The following CIT variants were observed in gnomAD, a reference collection of about 807,000 sequenced individuals.
CIT encodes citron rho-interacting serine/threonine kinase.
Under a neutral mutation model 272.7 loss-of-function variants are expected in CIT, and 79 were observed. That is an observed-to-expected ratio of 0.29 (90% CI 0.24 to 0.35). CIT has a LOEUF of 0.35. Among genes scored for constraint, CIT ranks in the 10% least tolerant of loss-of-function variants. The pLI is 1.00. For missense variants in CIT, 1,909 were observed against 2,618.3 expected (o/e 0.73, Z 5.91); for synonymous variants, 948 against 995.6 (o/e 0.95, Z 0.90).
At chr12:119,872,908 C>A (rs1057069803) in intron 2 of CIT, among the ~76,000 whole-genome samples, 7 of 152,122 alleles carry the variant, frequency 4.6e-5, no homozygotes, top group Non-Finnish European at 8.8e-5. Context: ...GAGATGCCCC[C>A]ACCTCAGCCT....
At chr12:119,754,005 C>A (rs1960617641) in intron 22 of CIT, among the ~76,000 whole-genome samples, 1 of 152,108 alleles carries the variant, frequency 6.6e-6, no homozygotes, top group African/African-American at 2.4e-5. Flanking sequence ...ATCCAGGAGG[C>A]CTTAACAAAT....
chr12:119,719,015 G>T, intron 30 of CIT, 154 bp from the exon 31 acceptor site: 1 of 729,554 alleles, frequency 1.4e-6, no homozygotes, highest in Non-Finnish European at 2.2e-6. Context: ...GGGGGGGAAG[G>T]GTAGGCTGAG....
In CIT at chr12:119,694,045, TCTTTGCAGGC is replaced by T. The variant is rs1956095525; in HGVS notation, c.5883-3601_5883-3592del. The stretch of plus-strand genomic sequence containing the variant: ...CCCGGGGTTAAATAATCTCAGACCT[TCTTTGCAGGC>T]CAAGGTTTCAAACTTCCTACACCTC... On this transcript the variant is annotated intron_variant, in intron 46 of 47. Coordinates refer to ENST00000392521, the MANE Select transcript of CIT (RefSeq NM_001206999.2). The surrounding 1 kb of genome is among the most constrained non-coding windows in gnomAD (Gnocchi z 4.5). Among the ~76,000 whole-genome samples the T allele has an allele frequency of 6.6e-6, 1 of 152,194 alleles. No individual in the cohort carries two copies. The highest frequency in any genetic ancestry group is 2.1e-4 in the South Asian group (1 of 4,834).
At chr12:119,868,325 CAAATT>C (rs551984421) in intron 3 of CIT, among the ~76,000 whole-genome samples, 4 of 152,178 alleles carry the variant, frequency 2.6e-5, no homozygotes, top group African/African-American at 9.6e-5. Flanking sequence ...AATTTTAAAA[CAAATT>C]AAAATTTAAT....
intron 32 of CIT, among the ~76,000 whole-genome samples, chr12:119,715,708 T>C (rs78092894): frequency 0.05 from 7,591 of 152,276 alleles, 402 homozygotes; most frequent in African/African-American, 0.12. Flanking sequence ...TACATCTGAA[T>C]GAAACTGTTA....
intron 12 of CIT, 190 bp from the exon 13 acceptor site, chr12:119,782,827 C>G (rs1964426210): frequency 1.4e-5 from 8 of 561,110 alleles, no homozygotes; most frequent in Non-Finnish European, 2.4e-5. Context: ...CAAGAAACAT[C>G]ATCTCAACCT....
At chr12:119,787,542 T>C (rs531034974) in intron 10 of CIT, among the ~76,000 whole-genome samples, 5 of 151,430 alleles carry the variant, frequency 3.3e-5, no homozygotes, top group Non-Finnish European at 5.9e-5. Flanking sequence ...CCATCCTGGC[T>C]AACACGGTGA....
chr12:119,749,841 A>C (rs1316761536), intron 23 of CIT, among the ~76,000 whole-genome samples: 1 of 152,198 alleles, frequency 6.6e-6, no homozygotes, highest in Non-Finnish European at 1.5e-5. Flanking sequence ...TCCAACCAGC[A>C]GCAAGAAAGG....
intron 41 of CIT, among the ~76,000 whole-genome samples, chr12:119,703,421 C>CTTTTTT (rs34483318): frequency 3.8e-5 from 4 of 105,702 alleles, no homozygotes; most frequent in East Asian, 2.3e-4. Flanking sequence ...CTTCATTTCA[C>CTTTTTT]TTTTTTTTTT....
At chr12:119,835,268 C>T (rs1029979212) in intron 5 of CIT, among the ~76,000 whole-genome samples, 3 of 152,240 alleles carry the variant, frequency 2.0e-5, no homozygotes, top group Non-Finnish European at 4.4e-5. Context: ...CTTTCAGTTT[C>T]ATCCTCTCTA....
intron 22 of CIT, among the ~76,000 whole-genome samples, chr12:119,754,634 C>T (rs750986112): frequency 1.1e-4 from 17 of 152,208 alleles, no homozygotes; most frequent in Non-Finnish European, 2.4e-4. Context: ...TCCTTTAAGG[C>T]GGATCAAACT....
chr12:119,784,191 T>C lies in CIT; in HGVS notation c.1402-140A>G, dbSNP rs753235550. ...AAGTTAAGTTGGGATGGAAATACCA[T>C]TGTTTCTTCGCCCAGGAGCGCACAG... is the stretch of plus-strand genomic sequence containing the variant. On this transcript the variant is annotated intron_variant, in intron 11 of 47. Transcript: ENST00000392521. The surrounding 1 kb of genome is among the most constrained non-coding windows in gnomAD (Gnocchi z 4.7). The C allele has an allele frequency of 3.1e-6, 5 of 1,608,146 alleles. No homozygotes were observed. Among genetic ancestry groups the C allele is most frequent in the South Asian group, 1.1e-5 (1 of 90,196 alleles).
intron 7 of CIT, among the ~76,000 whole-genome samples, chr12:119,825,684 A>G (rs1968105642): frequency 5.3e-5 from 8 of 152,242 alleles, no homozygotes. Flanking sequence ...AATACAAGTT[A>G]TTGACATGAT....
chr12:119,713,714 C>T lies in CIT; in HGVS notation c.4307-66G>A, dbSNP rs1490773519. ...GACCCTGGACCCTTCCCTTCCTCTG[C>T]CAGCCAACGCCTGGGCTTCTCTACC... is the stretch of plus-strand genomic sequence containing the variant. On this transcript the variant is annotated intron_variant, in intron 33 of 47. Transcript: ENST00000392521. This position sits in a 1 kb window ranked among gnomAD's most constrained non-coding sequence, Gnocchi z 5.2. The T allele has an allele frequency of 1.3e-6, 2 of 1,544,432 alleles. No individual in the cohort carries two copies. The highest frequency in any genetic ancestry group is 1.1e-5 in the South Asian group (1 of 89,048).
intron 16 of CIT, 70 bp downstream of exon 16, chr12:119,775,716 G>T: frequency 1.6e-6 from 2 of 1,225,840 alleles, no homozygotes; most frequent in South Asian, 1.2e-5. Context: ...TTCGTGCTCT[G>T]GGACAAGGCA....
intron 24 of CIT, among the ~76,000 whole-genome samples, chr12:119,737,651 C>T (rs1958850493): frequency 6.6e-6 from 1 of 152,142 alleles, no homozygotes; most frequent in Non-Finnish European, 1.5e-5. Flanking sequence ...TGTTGTCATC[C>T]AGTTTTCAAG....
At chr12:119,726,372 C>T (rs1404032814) in intron 28 of CIT, among the ~76,000 whole-genome samples, 1 of 147,958 alleles carries the variant, frequency 6.8e-6, no homozygotes, top group African/African-American at 2.5e-5. Flanking sequence ...CTGCACACCA[C>T]CACACTTGGC....
chr12:119,826,880 G>A (rs12231774), intron 7 of CIT, among the ~76,000 whole-genome samples: 4,219 of 152,282 alleles, frequency 0.028, 112 homozygotes, highest in East Asian at 0.12. Context: ...GAAAGTGAAT[G>A]TTTAGTGAGG....
intron 5 of CIT, among the ~76,000 whole-genome samples, chr12:119,843,085 C>T (rs993333207): frequency 2.2e-4 from 34 of 152,012 alleles, no homozygotes; most frequent in African/African-American, 7.7e-4. Flanking sequence ...CTGATCCAAC[C>T]CAGAAAGAGA....
Sources: gnomAD v4.1 joint callset for allele counts (sites outside exome capture counted in the v4.1 genomes callset) on GRCh38, gnomAD v4.1.1 for gene constraint, Gnocchi (gnomAD v3.1) non-coding constraint, MANE v1.5 for transcripts, NCBI Gene and HGNC (gene_info 2026-07-23, HGNC 2026-07-21) for gene names.